The following PAXBP1 variants were observed in gnomAD, a reference collection of about 807,000 sequenced individuals.
PAXBP1 encodes PAX3- and PAX7-binding protein 1.
PAXBP1 carries 44 observed loss-of-function variants against 119.9 expected under a neutral mutation model. The observed-to-expected ratio is 0.37, with a 90% confidence interval of 0.29 to 0.47. PAXBP1 has a LOEUF of 0.47. Among genes scored for constraint, PAXBP1 ranks in the 20% least tolerant of loss-of-function variants. The pLI is 0.99. For missense variants in PAXBP1, 898 were observed against 1,134.1 expected (o/e 0.79, Z 2.99); for synonymous variants, 393 against 406.6 (o/e 0.97, Z 0.40).
At position 32,761,651 on chromosome 21, in the gene PAXBP1, T is replaced by C. The variant is rs562576975; in HGVS notation, c.871+445A>G. Reference sequence around the variant, plus strand: ...ACTTGACTATAATATCAAATCACATTTAATAGCATTAGAGGCCATGCATGG... The same window carrying C: ...ACTTGACTATAATATCAAATCACATCTAATAGCATTAGAGGCCATGCATGG... On this transcript the variant is annotated intron_variant, in intron 4 of 17. Transcript: ENST00000331923. 2.0e-5 allele frequency among the ~76,000 whole-genome samples: 3 copies of C among 152,302 alleles called. No individual in the cohort carries two copies. The East Asian group carries it at 5.8e-4, about 29-fold the overall frequency.
chr21:32,737,449 A>T (rs1259107158), intron 16 of PAXBP1, 41 bp from the exon 17 acceptor site: 7 of 1,537,656 alleles, frequency 4.6e-6, no homozygotes, highest in Non-Finnish European at 6.2e-6. Context: ...GTTAAGACAG[A>T]ATAAATTAAA....
chr21:32,738,113 C>T, intron 16 of PAXBP1, 60 bp downstream of exon 16: 1 of 1,452,420 alleles, frequency 6.9e-7, no homozygotes, highest in Non-Finnish European at 9.2e-7. Context: ...TTCAAACAAA[C>T]AAAAACTTAA....
intron 13 of PAXBP1, 43 bp downstream of exon 13, chr21:32,744,748 AG>A (rs773572681): frequency 8.6e-6 from 13 of 1,510,954 alleles, no homozygotes; most frequent in Admixed American, 2.3e-5. Flanking sequence ...CATATTCAAC[AG>A]AAAGAGGAAA....
At chr21:32,749,492 C>A (rs1382602611) in intron 10 of PAXBP1, among the ~76,000 whole-genome samples, 5 of 152,150 alleles carry the variant, frequency 3.3e-5, no homozygotes, top group South Asian at 4.2e-4. Flanking sequence ...CTGTGCCCAA[C>A]CAAGAATAAG....
rs554406456 is a variant in PAXBP1, at chr21:32,755,613, T to C, written c.1384-260A>G. On this transcript the variant is annotated intron_variant, in intron 7 of 17. Transcript: ENST00000331923. ...AGTTAAGAAATGTAACACTTCAGTA[T>C]TCATAGAACAAGTAAAGAAATGTCA... 9 of 280,946 alleles carry C rather than the reference T, an allele frequency of 3.2e-5. No homozygotes were observed. In the South Asian group the frequency reaches 1.0e-3, roughly 32 times the overall value. The allele number at this position is 280,946 out of a possible 1,614,324, so 17.4% of individuals were successfully genotyped here.
chr21:32,756,617 A>G (rs568887294), intron 7 of PAXBP1: 11 of 267,144 alleles, frequency 4.1e-5, no homozygotes, highest in Non-Finnish European at 7.9e-5. Context: ...ATTTTTTTTT[A>G]GCAATTACTG....
intron 17 of PAXBP1, among the ~76,000 whole-genome samples, chr21:32,735,329 G>C (rs1017130374): frequency 2.0e-5 from 3 of 152,114 alleles, no homozygotes; most frequent in Admixed American, 6.5e-5. Flanking sequence ...AAAATTCATT[G>C]AGATCAATGA....
intron 8 of PAXBP1, among the ~76,000 whole-genome samples, chr21:32,753,941 A>G (rs1182432043): frequency 2.0e-5 from 3 of 152,226 alleles, no homozygotes; most frequent in Non-Finnish European, 2.9e-5. Context: ...GTTACCTGTA[A>G]TCTGCCCCAG....
At chr21:32,747,737 G>GC (rs1462448211) in intron 11 of PAXBP1, among the ~76,000 whole-genome samples, 1 of 150,910 alleles carries the variant, frequency 6.6e-6, no homozygotes, top group Admixed American at 6.6e-5. Flanking sequence ...GTCAATTCTA[G>GC]CCCCCTCCCT....
In PAXBP1 at chr21:32,734,736, T is replaced by C. The variant is rs1349088887; in HGVS notation, c.*214A>G. ...ACAAAATACTTCAGTAAACAAAGTATGACAGGCAGTAAAGAAAACATTCAT... is the reference window on the plus strand; with the variant it reads ...ACAAAATACTTCAGTAAACAAAGTACGACAGGCAGTAAAGAAAACATTCAT... On this transcript the variant is annotated 3_prime_UTR_variant, in exon 18 of 18. Transcript: ENST00000331923. 2 of 568,008 alleles carry C rather than the reference T, an allele frequency of 3.5e-6. No individual in the cohort carries two copies. The highest frequency in any genetic ancestry group is 1.9e-5 in the African/African-American group (1 of 53,098). The allele number at this position is 568,008 out of a possible 1,614,324, so 35.2% of individuals were successfully genotyped here.
chr21:32,748,378 A>G, intron 11 of PAXBP1, 121 bp downstream of exon 11: 1 of 771,456 alleles, frequency 1.3e-6, no homozygotes, highest in Non-Finnish European at 2.1e-6. Context: ...TCTATCAATT[A>G]TAGCCTATGC....
intron 10 of PAXBP1, 69 bp downstream of exon 10, chr21:32,750,848 C>T (rs2043947118): frequency 8.7e-7 from 1 of 1,147,414 alleles, no homozygotes; most frequent in Non-Finnish European, 1.3e-6. Context: ...CAAATCATTT[C>T]ATGGTAAAAA....
intron 7 of PAXBP1, chr21:32,756,086 G>A: frequency 4.6e-6 from 1 of 216,454 alleles, no homozygotes. Context: ...AACTTACAAA[G>A]TCAATAATTT....
At chr21:32,758,283 A>G (rs1202260075) in intron 7 of PAXBP1, among the ~76,000 whole-genome samples, 4 of 152,180 alleles carry the variant, frequency 2.6e-5, no homozygotes, top group African/African-American at 9.7e-5. Context: ...CTTCCAATCC[A>G]AAGTTCAGAC....
intron 15 of PAXBP1, among the ~76,000 whole-genome samples, chr21:32,739,932 T>G (rs1470991112): frequency 1.0e-5 from 1 of 100,366 alleles, no homozygotes; most frequent in East Asian, 2.7e-4. Flanking sequence ...CAAGACCTCG[T>G]CTCTTTAAAA....
In PAXBP1 at chr21:32,734,674, G is replaced by T; in HGVS notation, c.*276C>A. 1 of 431,730 alleles carries T rather than the reference G, an allele frequency of 2.3e-6. No homozygotes were observed. The highest frequency in any genetic ancestry group is 4.2e-6 in the Non-Finnish European group (1 of 238,914). The allele number at this position is 431,730 out of a possible 1,614,324, so 26.7% of individuals were successfully genotyped here. On this transcript the variant is annotated 3_prime_UTR_variant, in exon 18 of 18. Transcript: ENST00000331923. ...TTTACACTGCACACATCGTTTACAG[G>T]GGACAATTAACTGAGAGGGTTAATT...
chr21:32,749,455 A>G (rs903219178), intron 10 of PAXBP1, among the ~76,000 whole-genome samples: 1 of 152,120 alleles, frequency 6.6e-6, no homozygotes, highest in African/African-American at 2.4e-5. Context: ...CGGCCTCCCA[A>G]AGTGCTGGGA....
At chr21:32,749,339 T>C (rs2043923547) in intron 10 of PAXBP1, among the ~76,000 whole-genome samples, 1 of 151,798 alleles carries the variant, frequency 6.6e-6, no homozygotes, top group Non-Finnish European at 1.5e-5. Flanking sequence ...GGATTACAGG[T>C]ATGCGCCACC....
At position 32,771,365 on chromosome 21, in the gene PAXBP1, G is replaced by C. The variant is rs751531626; in HGVS notation, c.304C>G (p.Pro102Ala). ...TGGAAGCTGAGCAGGCTGGCCCGGG[G>C]CACCTCTTTGTTCTCGCGAGGCCTC... ...RKRPRENKEVPRASLLSFQDE... is the reference protein window; with the variant it reads ...RKRPRENKEVARASLLSFQDE... The change falls in exon 1 of 18, where the codon CCC (proline) becomes GCC (alanine). Residue 102 changes from proline to alanine, a missense_variant. Pro to Ala is a conservative substitution (Grantham distance 27). Transcript: ENST00000331923. 1.3e-5 allele frequency: 21 copies of C among 1,584,864 alleles called. No homozygotes were observed. In the South Asian group the frequency reaches 2.1e-4, roughly 16 times the overall value.
Sources: gnomAD v4.1 joint callset for allele counts (sites outside exome capture counted in the v4.1 genomes callset) on GRCh38, gnomAD v4.1.1 for gene constraint, MANE v1.5 for transcripts, NCBI Gene and HGNC (gene_info 2026-07-23, HGNC 2026-07-21) for gene names.